The following HERC1 variants were observed in gnomAD, a reference collection of about 807,000 sequenced individuals.
HERC1 encodes probable E3 ubiquitin-protein ligase HERC1.
A neutral mutation model predicts 554.3 loss-of-function variants in HERC1; 160 were observed. The ratio of observed to expected loss-of-function variants is 0.29; its 90% CI spans 0.25 to 0.33. The LOEUF is 0.33. Ranked by LOEUF, HERC1 falls within the 10% of genes least tolerant of loss-of-function variation. HERC1 has a pLI of 1.00. For synonymous variants in HERC1, 2,175 were observed against 2,131.7 expected (o/e 1.02, Z -0.56); for missense variants, 4,919 against 5,918.5 (o/e 0.83, Z 5.54).
chr15:63,724,714 C>A (rs992809702), intron 18 of HERC1, among the ~76,000 whole-genome samples: 11 of 152,066 alleles, frequency 7.2e-5, no homozygotes, highest in Non-Finnish European at 1.3e-4. Flanking sequence ...CTAGATAAAA[C>A]AACTGGATTA....
At chr15:63,796,492 G>T (rs2076817436) in intron 1 of HERC1, among the ~76,000 whole-genome samples, 1 of 152,114 alleles carries the variant, frequency 6.6e-6, no homozygotes, top group African/African-American at 2.4e-5. Flanking sequence ...GATCATTCCG[G>T]GGTGTAGACT....
Position 63,794,539 on chromosome 15 carries a change from C to G in HERC1, c.-26-18890G>C, listed in dbSNP as rs2076753713. On this transcript the variant is annotated intron_variant, in intron 1 of 77. Transcript: ENST00000443617. ...TGACCAGCCCCAATCCTGAAGCTAA[C>G]CAGAGGTGACCAGGCATCAGCAAAT... Among the ~76,000 whole-genome samples, 5 of 152,232 alleles carry G rather than the reference C, an allele frequency of 3.3e-5. No individual in the cohort carries two copies. In the South Asian group the frequency reaches 1.0e-3, roughly 32 times the overall value.
At chr15:63,784,563 C>T (rs1339814744) in intron 1 of HERC1, among the ~76,000 whole-genome samples, 2 of 151,934 alleles carry the variant, frequency 1.3e-5, no homozygotes, top group Non-Finnish European at 2.9e-5. Flanking sequence ...CTCTTCACTG[C>T]ATAAATTTGA....
rs2067624418 is a variant in HERC1, at chr15:63,612,079, T to G, written c.14400+172A>C. ...GGCACGCACCTGTAGTCCCAGCTACTGCGGAGGCTGAGGCAGGAGAACTGC... is the reference window on the plus strand; with the variant it reads ...GGCACGCACCTGTAGTCCCAGCTACGGCGGAGGCTGAGGCAGGAGAACTGC... On this transcript the variant is annotated intron_variant, in intron 77 of 77. Transcript: ENST00000443617. The surrounding 1 kb of genome is among the most constrained non-coding windows in gnomAD (Gnocchi z 5.0). Among the ~76,000 whole-genome samples the G allele has an allele frequency of 6.6e-6, 1 of 152,200 alleles. No homozygotes were observed. Among genetic ancestry groups the G allele is most frequent in the South Asian group, 2.1e-4 (1 of 4,838 alleles).
rs1399845476 is a variant in HERC1, at chr15:63,817,232, ATATC to A, written c.-27+16591_-27+16594del. On this transcript the variant is annotated intron_variant, in intron 1 of 77. Coordinates refer to ENST00000443617, the MANE Select transcript of HERC1 (RefSeq NM_003922.4). The stretch of plus-strand genomic sequence containing the variant: ...CTTCAAGCAAATAAACTATAGATCT[ATATC>A]TATCTATAAACCAGAGAAATATGAA... 9.0e-4 allele frequency among the ~76,000 whole-genome samples: 137 copies of A among 152,344 alleles called. 1 individual carries two copies. The highest frequency in any genetic ancestry group is 3.1e-3 in the African/African-American group (130 of 41,580).
At chr15:63,783,046 A>G (rs1032269138) in intron 1 of HERC1, among the ~76,000 whole-genome samples, 2 of 152,236 alleles carry the variant, frequency 1.3e-5, no homozygotes, top group African/African-American at 4.8e-5. Context: ...ATTCCTGGTG[A>G]AGATGCTGTG....
At chr15:63,793,502 G>A (rs116209745) in intron 1 of HERC1, among the ~76,000 whole-genome samples, 1,899 of 152,216 alleles carry the variant, frequency 0.012, 35 homozygotes, top group African/African-American at 0.043. Flanking sequence ...CCTCAGTTTC[G>A]GGAATTGCCC....
At chr15:63,657,862 C>T (rs2070136276) in intron 48 of HERC1, among the ~76,000 whole-genome samples, 2 of 151,778 alleles carry the variant, frequency 1.3e-5, no homozygotes, top group South Asian at 4.2e-4. Context: ...ACCATCAGAC[C>T]CTGCTTCAGT....
intron 33 of HERC1, among the ~76,000 whole-genome samples, 153 bp downstream of exon 33, chr15:63,689,436 G>A (rs1036455138): frequency 1.3e-5 from 2 of 152,134 alleles, no homozygotes; most frequent in African/African-American, 4.8e-5. Context: ...ATAAGCTGAG[G>A]GGAGGGAATC....
chr15:63,812,494 T>G (rs2145358910), intron 1 of HERC1, among the ~76,000 whole-genome samples: 1 of 152,324 alleles, frequency 6.6e-6, no homozygotes, highest in African/African-American at 2.4e-5. Flanking sequence ...GAAGTCACAC[T>G]ATAAAGATCT....
rs922482539 is a variant in HERC1, at chr15:63,734,961, G to T, written c.2521-112C>A. 12 of 888,778 alleles carry T rather than the reference G, an allele frequency of 1.4e-5. No individual in the cohort carries two copies. The African/African-American group carries it at 1.4e-4, about 11-fold the overall frequency. 55.1% of individuals were successfully genotyped at this position (888,778 alleles called of 1,614,324 possible). ...GGATCATGTAAGTCTAAAAAAGATGGCATGATAAAAAAGAAAGCATGCAAG... is the reference window on the plus strand; with the variant it reads ...GGATCATGTAAGTCTAAAAAAGATGTCATGATAAAAAAGAAAGCATGCAAG... On this transcript the variant is annotated intron_variant, in intron 12 of 77. Coordinates refer to ENST00000443617, the MANE Select transcript of HERC1 (RefSeq NM_003922.4). This position sits in a 1 kb window ranked among gnomAD's most constrained non-coding sequence, Gnocchi z 4.6.
At chr15:63,635,094 C>A (rs1200860372) in intron 65 of HERC1, among the ~76,000 whole-genome samples, 1 of 151,894 alleles carries the variant, frequency 6.6e-6, no homozygotes, top group Non-Finnish European at 1.5e-5. Context: ...GTCACCTAGG[C>A]TGGAGTGCAG....
chr15:63,673,184 T>C (rs750381398), intron 38 of HERC1, among the ~76,000 whole-genome samples: 18 of 152,176 alleles, frequency 1.2e-4, no homozygotes, highest in Non-Finnish European at 2.2e-4. Context: ...ACCCACTTAG[T>C]TAACAACTCT....
Position 63,774,778 on chromosome 15 carries a change from C to A in HERC1, c.846G>T (p.Glu282Asp), listed in dbSNP as rs1455255535. Residue 282 changes from glutamate (E) to aspartate (D), a missense_variant, in exon 2 of 78, where the codon GAG (glutamate) becomes GAT (aspartate). Glu to Asp is a conservative substitution (Grantham distance 45). Coordinates refer to ENST00000443617, the MANE Select transcript of HERC1 (RefSeq NM_003922.4). Reference sequence around the variant, plus strand: ...CCTGGCTTGAGAGTAGTTTGCCTTTCTCCATGGTGTGTACAACTGCCGAAG... The same window carrying A: ...CCTGGCTTGAGAGTAGTTTGCCTTTATCCATGGTGTGTACAACTGCCGAAG... ...LGASAVVHTMEKGKLLSSQEG... is the reference protein window; with the variant it reads ...LGASAVVHTMDKGKLLSSQEG... The A allele has an allele frequency of 1.2e-6, 2 of 1,613,864 alleles. No homozygotes were observed. The highest frequency in any genetic ancestry group is 1.7e-6 in the Non-Finnish European group (2 of 1,179,888).
intron 1 of HERC1, among the ~76,000 whole-genome samples, chr15:63,809,314 T>TTATGTGTTAA (rs1260454545): frequency 1.3e-5 from 2 of 152,192 alleles, no homozygotes; most frequent in Non-Finnish European, 2.9e-5. Flanking sequence ...AAATCTGTAA[T>TTATGTGTTAA]TATGTGTTAA....
rs931161054 is a variant in HERC1, at chr15:63,658,610, G to A, written c.9533C>T (p.Thr3178Ile). 5.0e-6 allele frequency: 8 copies of A among 1,613,876 alleles called. No homozygotes were observed. The highest frequency in any genetic ancestry group is 1.7e-5 in the Admixed American group (1 of 60,010). The change falls in exon 48 of 78, where the codon ACT becomes ATT. Residue 3178 changes from threonine to isoleucine, a missense_variant. By Grantham distance (89) the Thr-to-Ile change is moderately conservative. This residue lies in a region of HERC1 where 1,963 missense variants were observed against 2,228.6 expected (regional missense o/e 0.88). Coordinates refer to ENST00000443617, the MANE Select transcript of HERC1 (RefSeq NM_003922.4). ...HDRVVALRRV[T>I]AAAQVLLART... ...GGCCAGAAGAACCTGAGCAGCAGCA[G>A]TCACTCTCCTTAAAGCCACCACACG...
chr15:63,702,833 T>C (rs11071763), intron 25 of HERC1, among the ~76,000 whole-genome samples: 123,570 of 152,186 alleles, frequency 0.81, 52,033 homozygotes, highest in Non-Finnish European at 0.87. Flanking sequence ...TGGCCGGGCA[T>C]GGTGGCTCAC....
intron 1 of HERC1, among the ~76,000 whole-genome samples, chr15:63,779,242 T>A (rs1030794720): frequency 6.6e-6 from 1 of 152,020 alleles, no homozygotes; most frequent in African/African-American, 2.4e-5. Context: ...ATAGAAAAAA[T>A]ATCTGAATCA....
Position 63,718,573 on chromosome 15 carries a change from C to G in HERC1, c.3978+1G>C. 1 of 1,556,366 alleles carries G rather than the reference C, an allele frequency of 6.4e-7. No homozygotes were observed. Among genetic ancestry groups the G allele is most frequent in the Non-Finnish European group, 8.7e-7 (1 of 1,146,914 alleles). ...AGAAATTAATTGATTTCAAACTTTA[C>G]CCATCTGTCCCGTGATGATGACCTT... On this transcript the variant is annotated splice_donor_variant, in intron 21 of 77. Transcript: ENST00000443617. LOFTEE classifies it high-confidence loss of function. This position sits in a 1 kb window ranked among gnomAD's most constrained non-coding sequence, Gnocchi z 4.2.
Sources: gnomAD v4.1 joint callset for allele counts (sites outside exome capture counted in the v4.1 genomes callset) on GRCh38, gnomAD v4.1.1 for gene constraint, gnomAD v4.1.1 regional missense constraint, Gnocchi (gnomAD v3.1) non-coding constraint, MANE v1.5 for transcripts, NCBI Gene and HGNC (gene_info 2026-07-23, HGNC 2026-07-21) for gene names.